Variants in ATP1B3 observed in about 807,000 individuals in gnomAD.
ATP1B3 encodes ATPase Na+/K+ transporting subunit beta 3.
ATP1B3 carries 10 observed loss-of-function variants against 30.2 expected under a neutral mutation model. That is an observed-to-expected ratio of 0.33 (90% CI 0.20 to 0.56). The LOEUF is 0.56. ATP1B3 is among the 20% of genes least tolerant of loss of function. The pLI, the probability that ATP1B3 is intolerant of heterozygous loss-of-function variation, is 0.90. For missense variants in ATP1B3, 238 were observed against 336.7 expected (o/e 0.71, Z 2.29); for synonymous variants, 113 against 117.0 (o/e 0.97, Z 0.22).
chr3:141,894,878 T>C (rs2107768834), intron 1 of ATP1B3, among the ~76,000 whole-genome samples: 1 of 152,330 alleles, frequency 6.6e-6, no homozygotes, highest in Admixed American at 6.5e-5. Context: ...TTATTATCAT[T>C]ATTAAGTATT....
At chr3:141,896,225 T>C (rs1934062212) in intron 1 of ATP1B3, among the ~76,000 whole-genome samples, 1 of 151,784 alleles carries the variant, frequency 6.6e-6, no homozygotes, top group Admixed American at 6.6e-5. Flanking sequence ...TTCTAGTACT[T>C]TGGGAGGCCG....
At chr3:141,907,924 A>G (rs1252564370) in intron 3 of ATP1B3, among the ~76,000 whole-genome samples, 2 of 152,100 alleles carry the variant, frequency 1.3e-5, no homozygotes, top group African/African-American at 4.8e-5. Context: ...TATTTTATGA[A>G]ATAGTGTCTC....
chr3:141,886,322 A>G (rs1305210773), intron 1 of ATP1B3, among the ~76,000 whole-genome samples: 2 of 152,186 alleles, frequency 1.3e-5, no homozygotes, highest in Non-Finnish European at 2.9e-5. Context: ...CGTTCTGTGC[A>G]CACGAATTCT....
intron 1 of ATP1B3, among the ~76,000 whole-genome samples, chr3:141,890,455 A>C (rs1426390735): frequency 6.6e-6 from 1 of 151,428 alleles, no homozygotes; most frequent in Non-Finnish European, 1.5e-5. Flanking sequence ...GGTGCCCGCC[A>C]CTACGCCCGG....
intron 3 of ATP1B3, among the ~76,000 whole-genome samples, chr3:141,908,301 A>G (rs768183934): frequency 6.6e-6 from 1 of 152,032 alleles, no homozygotes; most frequent in Non-Finnish European, 1.5e-5. Flanking sequence ...CGAGCCATTT[A>G]TGTGAATGGT....
chr3:141,896,688 G>T (rs1352990736), intron 1 of ATP1B3, among the ~76,000 whole-genome samples: 1 of 151,860 alleles, frequency 6.6e-6, no homozygotes, highest in Non-Finnish European at 1.5e-5. Context: ...TTCTTCTTCA[G>T]TTAAGCTTTT....
Position 141,904,962 on chromosome 3 carries a change from C to T in ATP1B3, c.238+1214C>T, listed in dbSNP as rs151170837. 3.9e-4 allele frequency among the ~76,000 whole-genome samples: 59 copies of T among 152,180 alleles called. 1 individual carries two copies. The highest frequency in any genetic ancestry group is 1.3e-3 in the African/African-American group (55 of 41,548). ...CTGACCTCAGGCGATCCACCCGCCT[C>T]GGCCTCCCAAAGTGCTGGGATTACA... On this transcript the variant is annotated intron_variant, in intron 2 of 6. Transcript: ENST00000286371.
At chr3:141,890,081 T>TTTGTC in intron 1 of ATP1B3, among the ~76,000 whole-genome samples, 1 of 93,440 alleles carries the variant, frequency 1.1e-5, no homozygotes, top group Non-Finnish European at 2.2e-5. Context: ...AATCTAATTT[T>TTTGTC]TTTTCTTTTT....
intron 1 of ATP1B3, among the ~76,000 whole-genome samples, chr3:141,892,246 C>T (rs1933967603): frequency 1.3e-5 from 2 of 152,084 alleles, no homozygotes; most frequent in South Asian, 2.1e-4. Flanking sequence ...ATTAAATACA[C>T]AGTATCTTCA....
In ATP1B3 at chr3:141,889,756, T is replaced by TACACACACAC. The variant is rs34670135; in HGVS notation, c.109+12877_109+12886dup. Among the ~76,000 whole-genome samples, 6 of 84,032 alleles carry TACACACACAC rather than the reference T, an allele frequency of 7.1e-5. 1 individual carries two copies. The East Asian group carries it at 2.0e-3, about 27-fold the overall frequency. The allele number at this position is 84,032 out of a possible 152,430, so 55.1% of individuals were successfully genotyped here. ...AAAAAAAAAAAAAAAAAAAAATATATACACACACACACACACACACACACA... is the reference window on the plus strand; with the variant it reads ...AAAAAAAAAAAAAAAAAAAAATATATACACACACACACACACACACACACACACACACACA... On this transcript the variant is annotated intron_variant, in intron 1 of 6. Transcript: ENST00000286371.
chr3:141,915,961 T>A lies in ATP1B3; in HGVS notation c.532-9T>A. 6.3e-7 allele frequency: 1 copy of A among 1,597,286 alleles called. No homozygotes were observed. Among genetic ancestry groups the A allele is most frequent in the Non-Finnish European group, 8.5e-7 (1 of 1,170,974 alleles). ...GAAGTTTAAATTTATCACTATTTCT[T>A]AACCTTAGATAATTGGATTAAAGCC... On this transcript the variant is annotated splice_polypyrimidine_tract_variant and intron_variant, in intron 4 of 6. Coordinates refer to ENST00000286371, the MANE Select transcript of ATP1B3 (RefSeq NM_001679.4).
chr3:141,898,303 G>A (rs898949743), intron 1 of ATP1B3, among the ~76,000 whole-genome samples: 2 of 152,092 alleles, frequency 1.3e-5, no homozygotes, highest in South Asian at 4.1e-4. Flanking sequence ...AACATTATTA[G>A]GAAAGTAAAA....
At position 141,876,929 on chromosome 3, in the gene ATP1B3, G is replaced by C; in HGVS notation, c.109+19G>C. ...AGCTGGGGTGAGCGGGCAGCAGCTGGGCGTCCGGGGCCGGCCTCGGTCCCG... is the reference window on the plus strand; with the variant it reads ...AGCTGGGGTGAGCGGGCAGCAGCTGCGCGTCCGGGGCCGGCCTCGGTCCCG... On this transcript the variant is annotated intron_variant, in intron 1 of 6. Coordinates refer to ENST00000286371, the MANE Select transcript of ATP1B3 (RefSeq NM_001679.4). 1 of 1,542,714 alleles carries C rather than the reference G, an allele frequency of 6.5e-7. No homozygotes were observed. Among genetic ancestry groups the C allele is most frequent in the Non-Finnish European group, 8.7e-7 (1 of 1,143,750 alleles).
intron 1 of ATP1B3, chr3:141,902,145 A>G (rs1397562304): frequency 7.8e-7 from 1 of 1,289,662 alleles, no homozygotes; most frequent in Admixed American, 2.3e-5. Flanking sequence ...GGATCGCAGT[A>G]TGTGGTAGGG....
chr3:141,905,304 T>C (rs1045361701), intron 2 of ATP1B3, among the ~76,000 whole-genome samples: 4 of 152,118 alleles, frequency 2.6e-5, no homozygotes, highest in Non-Finnish European at 5.9e-5. Context: ...CTGAGTCATA[T>C]GGCAGCGTCT....
At chr3:141,911,930 A>G (rs1157275839) in intron 3 of ATP1B3, among the ~76,000 whole-genome samples, 2 of 152,170 alleles carry the variant, frequency 1.3e-5, no homozygotes, top group Non-Finnish European at 2.9e-5. Flanking sequence ...TACACTTAAT[A>G]GTATGGAAGT....
intron 5 of ATP1B3, among the ~76,000 whole-genome samples, chr3:141,917,086 C>T (rs13059822): frequency 6.7e-6 from 1 of 149,542 alleles, no homozygotes; most frequent in Non-Finnish European, 1.5e-5. Context: ...ATCTCCTGAC[C>T]TCGTGATCTG....
chr3:141,922,352 T>C (rs1934577553), intron 6 of ATP1B3, among the ~76,000 whole-genome samples: 1 of 152,126 alleles, frequency 6.6e-6, no homozygotes, highest in Non-Finnish European at 1.5e-5. Context: ...AGTAGAAAAG[T>C]ACTTAAAAAG....
chr3:141,879,951 G>A (rs749596921), intron 1 of ATP1B3, among the ~76,000 whole-genome samples: 28 of 151,086 alleles, frequency 1.9e-4, no homozygotes, highest in Admixed American at 3.3e-4. Flanking sequence ...TGTTGTAGGG[G>A]GTGGAAGGAA....
Sources: allele counts gnomAD v4.1 joint callset (sites outside exome capture counted in the v4.1 genomes callset), GRCh38; gene constraint gnomAD v4.1.1; transcripts MANE v1.5; gene names NCBI Gene and HGNC (gene_info 2026-07-23, HGNC 2026-07-21).